Variants in TPST1 observed in about 807,000 individuals in gnomAD.
TPST1 encodes protein-tyrosine sulfotransferase 1.
In TPST1, 20 loss-of-function variants were observed where a neutral mutation model predicts 34.8. The ratio of observed to expected loss-of-function variants is 0.57; its 90% CI spans 0.40 to 0.84. The LOEUF is 0.84. Among genes scored for constraint, TPST1 ranks in the 40% least tolerant of loss-of-function variants. TPST1 has a pLI of 0.00. For missense variants in TPST1, 353 were observed against 455.5 expected (o/e 0.78, Z 2.05); for synonymous variants, 152 against 159.4 (o/e 0.95, Z 0.35).
intron 3 of TPST1, among the ~76,000 whole-genome samples, chr7:66,324,250 G>C (rs1791816252): frequency 6.6e-6 from 1 of 152,114 alleles, no homozygotes; most frequent in Non-Finnish European, 1.5e-5. Flanking sequence ...GGTGGGGTAT[G>C]ATTTCATTCC....
At chr7:66,310,286 G>T (rs957936844) in intron 3 of TPST1, among the ~76,000 whole-genome samples, 7 of 152,202 alleles carry the variant, frequency 4.6e-5, no homozygotes, top group African/African-American at 1.7e-4. Flanking sequence ...GAACATTGCT[G>T]TGAAAGAACA....
chr7:66,199,981 C>A, the TPST1 span, among the ~76,000 whole-genome samples: 1 of 151,790 alleles, frequency 6.6e-6, no homozygotes, highest in East Asian at 2.0e-4. Context: ...CTGCCCGCTT[C>A]GGCCTCCCAA....
chr7:66,230,596 C>T (rs764215498), intron 1 of TPST1, among the ~76,000 whole-genome samples: 4 of 152,112 alleles, frequency 2.6e-5, no homozygotes, highest in Non-Finnish European at 4.4e-5. Context: ...CTTGTGGTCT[C>T]GCTGGCTTCA....
intron 3 of TPST1, among the ~76,000 whole-genome samples, chr7:66,314,962 A>G (rs1791604130): frequency 6.6e-6 from 1 of 152,200 alleles, no homozygotes; most frequent in African/African-American, 2.4e-5. Flanking sequence ...ATGAGCATCC[A>G]TTGATTATTC....
chr7:66,222,488 TTAAA>T (rs1214204037), intron 1 of TPST1, among the ~76,000 whole-genome samples: 1 of 152,196 alleles, frequency 6.6e-6, no homozygotes, highest in East Asian at 1.9e-4. Flanking sequence ...TTAAAGGAAC[TTAAA>T]TAGTCTAGTG....
chr7:66,319,042 A>C (rs1224616337), intron 3 of TPST1, among the ~76,000 whole-genome samples: 21 of 152,122 alleles, frequency 1.4e-4, no homozygotes, highest in Admixed American at 1.3e-3. Flanking sequence ...ATTTTACTAC[A>C]ATATAGCTAA....
chr7:66,208,549 A>G (rs1321677707), intron 1 of TPST1, among the ~76,000 whole-genome samples: 2 of 151,950 alleles, frequency 1.3e-5, no homozygotes, highest in African/African-American at 2.4e-5. Flanking sequence ...GTTCGCTGCA[A>G]CCTCTGCCTC....
intron 1 of TPST1, among the ~76,000 whole-genome samples, chr7:66,236,190 A>T (rs1210712502): frequency 1.3e-5 from 2 of 152,116 alleles, no homozygotes; most frequent in Non-Finnish European, 2.9e-5. Flanking sequence ...GGGCCCCAAG[A>T]TTTATTTTCC....
At chr7:66,245,638 T>C (rs1051303241) in intron 2 of TPST1, among the ~76,000 whole-genome samples, 8 of 152,212 alleles carry the variant, frequency 5.3e-5, no homozygotes, top group African/African-American at 1.9e-4. Flanking sequence ...AAAGAATCTT[T>C]GTCAGTTTGG....
At position 66,329,270 on chromosome 7, in the gene TPST1, T is replaced by C. The variant is rs981593884; in HGVS notation, c.1045-23235T>C. ...CAGTGAGCTTTGCATGGTTAATATA[T>C]TTGTTGTGTTGAAACTATCTTCCTG... On this transcript the variant is annotated intron_variant, in intron 3 of 5. Transcript: ENST00000304842. 5.3e-5 allele frequency among the ~76,000 whole-genome samples: 8 copies of C among 152,234 alleles called. No homozygotes were observed. In the East Asian group the frequency reaches 1.4e-3, roughly 26 times the overall value.
At chr7:66,268,671 G>C (rs1790638575) in intron 2 of TPST1, among the ~76,000 whole-genome samples, 1 of 151,904 alleles carries the variant, frequency 6.6e-6, no homozygotes, top group Non-Finnish European at 1.5e-5. Flanking sequence ...TATCATAAAG[G>C]ATGAGGAAAG....
chr7:66,251,602 C>G (rs1470955862), intron 2 of TPST1, among the ~76,000 whole-genome samples: 2 of 152,194 alleles, frequency 1.3e-5, no homozygotes, highest in African/African-American at 2.4e-5. Context: ...TTGAATAGCT[C>G]TAGTAGGAAA....
intron 3 of TPST1, among the ~76,000 whole-genome samples, chr7:66,293,133 G>A (rs1791120773): frequency 6.6e-6 from 1 of 151,878 alleles, no homozygotes; most frequent in Non-Finnish European, 1.5e-5. Context: ...ATGAACCCGG[G>A]AGGCAGAGCT....
chr7:66,315,703 A>G (rs957712772), intron 3 of TPST1, among the ~76,000 whole-genome samples: 1 of 152,232 alleles, frequency 6.6e-6, no homozygotes, highest in African/African-American at 2.4e-5. Context: ...TTCTTGCCAC[A>G]TGAATTTGTC....
chr7:66,218,318 GGTTA>G (rs2116269337), intron 1 of TPST1, among the ~76,000 whole-genome samples: 1 of 152,204 alleles, frequency 6.6e-6, no homozygotes, highest in South Asian at 2.1e-4. Context: ...TGGCATATAT[GGTTA>G]GTTTCTTTTC....
chr7:66,356,967 C>T (rs1025978582), intron 5 of TPST1, 96 bp downstream of exon 5: 13 of 1,240,726 alleles, frequency 1.0e-5, no homozygotes, highest in East Asian at 9.6e-5. Flanking sequence ...CTCTGGAGTC[C>T]GTCTGCCAGG....
chr7:66,198,985 T>G, the TPST1 span, among the ~76,000 whole-genome samples: 1 of 152,190 alleles, frequency 6.6e-6, no homozygotes, highest in Non-Finnish European at 1.5e-5. Flanking sequence ...CATCCCAAAT[T>G]AGCCAGGGCT....
At chr7:66,270,164 A>T (rs1198833167) in intron 2 of TPST1, among the ~76,000 whole-genome samples, 2 of 152,118 alleles carry the variant, frequency 1.3e-5, no homozygotes, top group African/African-American at 2.4e-5. Flanking sequence ...AGTCACAGTA[A>T]AGTAGCTATC....
At chr7:66,293,002 C>T (rs536442884) in intron 3 of TPST1, among the ~76,000 whole-genome samples, 20 of 152,146 alleles carry the variant, frequency 1.3e-4, no homozygotes, top group African/African-American at 4.6e-4. Context: ...GTCAGGAGAT[C>T]GAGACCATCC....
Sources: gnomAD v4.1 joint callset for allele counts (sites outside exome capture counted in the v4.1 genomes callset) on GRCh38, gnomAD v4.1.1 for gene constraint, MANE v1.5 for transcripts, NCBI Gene and HGNC (gene_info 2026-07-23, HGNC 2026-07-21) for gene names.